The following ATP8B2 variants were observed in gnomAD, a reference collection of about 807,000 sequenced individuals.
ATP8B2 encodes ATPase phospholipid transporting 8B2.
A neutral mutation model predicts 133.4 loss-of-function variants in ATP8B2; 70 were observed. The observed-to-expected ratio is 0.52, with a 90% CI of 0.43 to 0.64. ATP8B2 has a LOEUF of 0.64. ATP8B2 is among the 30% of genes least tolerant of loss of function. The pLI is 0.00. For missense variants in ATP8B2, 1,101 were observed against 1,535.7 expected (o/e 0.72, Z 4.73); for synonymous variants, 517 against 589.5 (o/e 0.88, Z 1.78).
intron 3 of ATP8B2, 27 bp downstream of exon 3, chr1:154,330,481 C>T (rs1685945718): frequency 6.2e-7 from 1 of 1,611,120 alleles, no homozygotes; most frequent in East Asian, 2.2e-5. Flanking sequence ...CACCTGTTCC[C>T]TCTCTCTGTT....
chr1:154,339,725 T>G (rs1391618960), intron 12 of ATP8B2, among the ~76,000 whole-genome samples: 2 of 152,182 alleles, frequency 1.3e-5, no homozygotes, highest in Non-Finnish European at 2.9e-5. Flanking sequence ...CCCATTTGCC[T>G]GGTAATGGGA....
chr1:154,336,628 C>T (rs1686191648), intron 11 of ATP8B2, among the ~76,000 whole-genome samples: 1 of 151,770 alleles, frequency 6.6e-6, no homozygotes, highest in Non-Finnish European at 1.5e-5. Flanking sequence ...GCTGGGATTA[C>T]AGGTGCCCGC....
Position 154,343,009 on chromosome 1 carries a change from G to A in ATP8B2, c.1453+48G>A. The A allele has an allele frequency of 2.5e-6, 4 of 1,606,316 alleles. No homozygotes were observed. The highest frequency in any genetic ancestry group is 3.4e-6 in the Non-Finnish European group (4 of 1,175,344). On this transcript the variant is annotated intron_variant, in intron 15 of 27. Transcript: ENST00000368489. This position sits in a 1 kb window ranked among gnomAD's most constrained non-coding sequence, Gnocchi z 5.8. ...ACTCTCCTGACCTGACTCTGCCCTT[G>A]GGCTCTGCTCTGCTCTGCAATGCGG...
Position 154,350,082 on chromosome 1 carries a change from T to G in ATP8B2, c.*964T>G, listed in dbSNP as rs1686733453. On this transcript the variant is annotated 3_prime_UTR_variant, in exon 28 of 28. Coordinates refer to ENST00000368489, the MANE Select transcript of ATP8B2 (RefSeq NM_001370597.1). Reference sequence around the variant, plus strand: ...TCTTTTTTCTTTTTCTTTTTTTCTTTTTTTTTTTGAGATGGAGTCTCACTC... The same window carrying G: ...TCTTTTTTCTTTTTCTTTTTTTCTTGTTTTTTTTGAGATGGAGTCTCACTC... 1 of 151,758 alleles carries G rather than the reference T, an allele frequency of 6.6e-6. No homozygotes were observed. Among genetic ancestry groups the G allele is most frequent in the Non-Finnish European group, 1.5e-5 (1 of 68,036 alleles). 9.4% of individuals were successfully genotyped at this position (151,758 alleles called of 1,614,324 possible).
At chr1:154,348,730 G>A (rs1285498581) in intron 27 of ATP8B2, 110 bp from the exon 28 acceptor site, 1 of 1,391,892 alleles carries the variant, frequency 7.2e-7, no homozygotes, top group South Asian at 1.4e-5. Flanking sequence ...AGGTGCTGTG[G>A]GTCGGAGGCC....
chr1:154,344,976 C>A lies in ATP8B2; in HGVS notation c.2292C>A (p.His764Gln), dbSNP rs562875701. The change falls in exon 22 of 28, where the codon CAC (histidine) becomes CAA (glutamine). Residue 764 changes from histidine (H) to glutamine (Q), a missense_variant. Physicochemically the swap from His to Gln is conservative, Grantham distance 24. Coordinates refer to ENST00000368489, the MANE Select transcript of ATP8B2 (RefSeq NM_001370597.1). The surrounding 1 kb of genome is among the most constrained non-coding windows in gnomAD (Gnocchi z 4.1). ...ALVINGHSLA[H>Q]ALEADMELEF... The stretch of plus-strand genomic sequence containing the variant: ...CAGGTTTCTCTGTGCTCCAGGCCCA[C>A]GCACTGGAGGCAGACATGGAGCTGG... The A allele has an allele frequency of 2.5e-6, 4 of 1,611,734 alleles. No individual in the cohort carries two copies. The South Asian group carries it at 4.4e-5, about 18-fold the overall frequency.
rs764251782 is a variant in ATP8B2, at chr1:154,334,653, C to A, written c.837+62C>A. ...TCTCTTCTCCTTGGGTGCTCCTTTT[C>A]CTTTCCTCTTTCTTCTTTGGTCAGT... On this transcript the variant is annotated intron_variant, in intron 11 of 27. Coordinates refer to ENST00000368489, the MANE Select transcript of ATP8B2 (RefSeq NM_001370597.1). The surrounding 1 kb of genome is among the most constrained non-coding windows in gnomAD (Gnocchi z 4.6). 3.5e-6 allele frequency: 5 copies of A among 1,433,748 alleles called. No homozygotes were observed. Among genetic ancestry groups the A allele is most frequent in the Non-Finnish European group, 4.9e-6 (5 of 1,025,168 alleles). The allele number at this position is 1,433,748 out of a possible 1,614,324, so 88.8% of individuals were successfully genotyped here.
In ATP8B2 at chr1:154,348,895, G is replaced by A. The variant is rs554072227; in HGVS notation, c.3350G>A (p.Arg1117Gln). 91 of 1,613,590 alleles carry A rather than the reference G, an allele frequency of 5.6e-5. No homozygotes were observed. The East Asian group carries it at 1.4e-3, about 26-fold the overall frequency. Reference sequence around the variant, plus strand: ...CAGAAGGCCCAGCACCGCTGCATGCGGCGGGTTGGCCGCACTGGCTCCCGG... The same window carrying A: ...CAGAAGGCCCAGCACCGCTGCATGCAGCGGGTTGGCCGCACTGGCTCCCGG... ...KKQKAQHRCM[R>Q]RVGRTGSRRS... Residue 1117 changes from arginine to glutamine, a missense_variant, in exon 28 of 28, where the codon CGG becomes CAG. Arg to Gln is a conservative substitution (Grantham distance 43). Coordinates refer to ENST00000368489, the MANE Select transcript of ATP8B2 (RefSeq NM_001370597.1).
At chr1:154,329,009 C>T (rs1335583840) in intron 2 of ATP8B2, 1 of 1,304,078 alleles carries the variant, frequency 7.7e-7, no homozygotes. Flanking sequence ...CAAGGAGATG[C>T]CCGAGAAGTG....
chr1:154,346,400 A>T lies in ATP8B2; in HGVS notation c.2948A>T (p.Asp983Val). 1 of 1,614,104 alleles carries T rather than the reference A, an allele frequency of 6.2e-7. No homozygotes were observed. Residue 983 changes from aspartate to valine, a missense_variant, in exon 25 of 28, where the codon GAT (aspartate) becomes GTT (valine). Coordinates refer to ENST00000368489, the MANE Select transcript of ATP8B2 (RefSeq NM_001370597.1). This position sits in a 1 kb window ranked among gnomAD's most constrained non-coding sequence, Gnocchi z 4.5. Reference protein sequence around the residue: ...YGVFADATRDDGTQLADYQSF... With the variant: ...YGVFADATRDVGTQLADYQSF... Reference sequence around the variant, plus strand: ...GTGTTTGCTGATGCCACCCGGGATGATGGCACTCAGCTGGCTGACTACCAG... The same window carrying T: ...GTGTTTGCTGATGCCACCCGGGATGTTGGCACTCAGCTGGCTGACTACCAG...
chr1:154,332,137 G>C, intron 8 of ATP8B2, 113 bp downstream of exon 8: 1 of 1,066,160 alleles, frequency 9.4e-7, no homozygotes, highest in Non-Finnish European at 1.4e-6. Flanking sequence ...AAAAATTAGG[G>C]GTAAGAAAGG....
chr1:154,344,854 C>T lies in ATP8B2; in HGVS notation c.2286+69C>T. ...GCACTTCTGTCCAGGGCTTTTATATCTTGTTCTAATTTCCCCTGATTTCAG... is the reference window on the plus strand; with the variant it reads ...GCACTTCTGTCCAGGGCTTTTATATTTTGTTCTAATTTCCCCTGATTTCAG... On this transcript the variant is annotated intron_variant, in intron 21 of 27. Coordinates refer to ENST00000368489, the MANE Select transcript of ATP8B2 (RefSeq NM_001370597.1). This position sits in a 1 kb window ranked among gnomAD's most constrained non-coding sequence, Gnocchi z 4.1. 1 of 1,549,082 alleles carries T rather than the reference C, an allele frequency of 6.5e-7. No homozygotes were observed. Among genetic ancestry groups the T allele is most frequent in the Non-Finnish European group, 8.7e-7 (1 of 1,146,386 alleles).
At position 154,343,297 on chromosome 1, in the gene ATP8B2, C is replaced by A; in HGVS notation, c.1638C>A (p.Val546=). 1.2e-6 allele frequency: 2 copies of A among 1,613,968 alleles called. No individual in the cohort carries two copies. Among genetic ancestry groups the A allele is most frequent in the South Asian group, 2.2e-5 (2 of 91,030 alleles). The change falls in exon 16 of 28, where the codon GTC becomes GTA. Residue 546 remains valine, a synonymous_variant. Transcript: ENST00000368489. The surrounding 1 kb of genome is among the most constrained non-coding windows in gnomAD (Gnocchi z 5.8). ...DFNNIRKRMS[V]IVRNPEGKIR... Reference sequence around the variant, plus strand: ...ACAACATCCGCAAGCGGATGTCGGTCATAGGTGAGGCCAGGCCTGGGGTGC... The same window carrying A: ...ACAACATCCGCAAGCGGATGTCGGTAATAGGTGAGGCCAGGCCTGGGGTGC...
Position 154,331,965 on chromosome 1 carries a change from C to A in ATP8B2, c.450C>A (p.Leu150=), listed in dbSNP as rs1474409124. The A allele has an allele frequency of 6.2e-7, 1 of 1,614,004 alleles. No individual in the cohort carries two copies. The highest frequency in any genetic ancestry group is 1.3e-5 in the African/African-American group (1 of 74,938). ...ENNQFVAADL[L]LLSSSEPHGL... is the part of the protein sequence containing the mutation. ...GTTTTTCTCTCTAGGCGGATCTCCT[C>A]CTCCTTTCCAGCAGTGAGCCCCATG... is the stretch of plus-strand genomic sequence containing the variant. Residue 150 remains leucine (L), a synonymous_variant, in exon 8 of 28, where the codon CTC becomes CTA. Transcript: ENST00000368489. This position sits in a 1 kb window ranked among gnomAD's most constrained non-coding sequence, Gnocchi z 4.8.
Position 154,341,040 on chromosome 1 carries a change from C to T in ATP8B2, c.1221C>T (p.Cys407=). ...LTQNIMVFNK[C]SINGHSYGDV... is the part of the protein sequence containing the mutation. The stretch of plus-strand genomic sequence containing the variant: ...AGAACATCATGGTTTTCAACAAGTG[C>T]TCCATCAATGGCCACAGCTATGGTA... Residue 407 remains cysteine, a synonymous_variant, in exon 13 of 28, where the codon TGC becomes TGT. Transcript: ENST00000368489. 1 of 1,614,214 alleles carries T rather than the reference C, an allele frequency of 6.2e-7. No individual in the cohort carries two copies. The highest frequency in any genetic ancestry group is 2.2e-5 in the East Asian group (1 of 44,886).
chr1:154,348,727 G>C, intron 27 of ATP8B2, 113 bp from the exon 28 acceptor site: 1 of 1,387,734 alleles, frequency 7.2e-7, no homozygotes, highest in Non-Finnish European at 9.5e-7. Context: ...CCCAGGTGCT[G>C]TGGGTCGGAG....
At chr1:154,329,722 T>A (rs1287736870) in intron 2 of ATP8B2, among the ~76,000 whole-genome samples, 1 of 152,148 alleles carries the variant, frequency 6.6e-6, no homozygotes, top group Non-Finnish European at 1.5e-5. Flanking sequence ...TATCTCTATC[T>A]CAGTCTGCAT....
At chr1:154,330,501 G>T in intron 3 of ATP8B2, 47 bp downstream of exon 3, 2 of 1,593,706 alleles carry the variant, frequency 1.3e-6, no homozygotes, top group Non-Finnish European at 1.7e-6. Flanking sequence ...TTGGAGAGGG[G>T]AATGGGGCAA....
chr1:154,348,028 A>AC (rs35837124), intron 26 of ATP8B2, among the ~76,000 whole-genome samples: 44,509 of 150,898 alleles, frequency 0.29, 6,671 homozygotes, highest in Middle Eastern at 0.38. Context: ...CAACAAAAAA[A>AC]AAATTAAAAA....
Sources: allele counts gnomAD v4.1 joint callset (sites outside exome capture counted in the v4.1 genomes callset), GRCh38; gene constraint gnomAD v4.1.1; non-coding constraint Gnocchi (gnomAD v3.1); transcripts MANE v1.5; gene names NCBI Gene and HGNC (gene_info 2026-07-23, HGNC 2026-07-21).